Variants in ELMO1 observed in about 807,000 individuals in gnomAD.
The protein encoded by ELMO1 is engulfment and cell motility 1, also known as engulfment and cell motility protein 1.
A neutral mutation model predicts 98.9 loss-of-function variants in ELMO1; 26 were observed. The observed-to-expected ratio is 0.26, with a 90% CI of 0.19 to 0.36. The LOEUF is 0.36. ELMO1 is among the 10% of genes least tolerant of loss of function. ELMO1 has a pLI of 1.00. For missense variants in ELMO1, 627 were observed against 935.2 expected, an observed-to-expected ratio of 0.67 and a Z score of 4.30; for synonymous variants, 346 against 346.0, an observed-to-expected ratio of 1.00 and a Z score of 0.00.
At chr7:36,911,559 T>C (rs769477325) in intron 16 of ELMO1, among the ~76,000 whole-genome samples, 1 of 152,182 alleles carries the variant, frequency 6.6e-6, no homozygotes, top group African/African-American at 2.4e-5. Flanking sequence ...AGGAAGAAGA[T>C]AAGCTCTTTA....
intron 1 of ELMO1, among the ~76,000 whole-genome samples, chr7:37,344,630 T>C (rs1800905919): frequency 6.6e-6 from 1 of 152,250 alleles, no homozygotes; most frequent in African/African-American, 2.4e-5. Context: ...GCAGTTAATA[T>C]TGATAGCCAT....
chr7:37,034,699 A>G (rs1313436078), intron 15 of ELMO1, among the ~76,000 whole-genome samples: 1 of 151,968 alleles, frequency 6.6e-6, no homozygotes, highest in East Asian at 1.9e-4. Context: ...TGAATTAGGG[A>G]TGTTGTTTGG....
chr7:37,102,172 C>T (rs1309182629), intron 14 of ELMO1, among the ~76,000 whole-genome samples: 1 of 152,124 alleles, frequency 6.6e-6, no homozygotes, highest in African/African-American at 2.4e-5. Context: ...AAAGAATAAG[C>T]CCAGTTTTGA....
At chr7:37,179,167 G>GA in intron 13 of ELMO1, among the ~76,000 whole-genome samples, 1 of 151,704 alleles carries the variant, frequency 6.6e-6, no homozygotes, top group African/African-American at 2.4e-5. Flanking sequence ...GATAGCTTAA[G>GA]AAAAAAAGGC....
rs1233663800 is a variant in ELMO1 at position 37,319,868 on chromosome 7, AT to A, written c.79-3909del. Among the ~76,000 whole-genome samples the A allele has an allele frequency of 4.6e-5, 7 of 151,606 alleles. No homozygotes were observed. In the East Asian group the frequency reaches 7.8e-4, roughly 17 times the overall value. On this transcript the variant is annotated intron_variant, in intron 2 of 21. Coordinates refer to ENST00000310758, the MANE Select transcript of ELMO1 (RefSeq NM_014800.11). ...CTGCAGATAAGTCTCCACATCTCCA[AT>A]TTTTTTTTCTCCAATCCCCATGTCA...
chr7:36,973,421 T>A (rs1170003172), intron 16 of ELMO1, among the ~76,000 whole-genome samples: 1 of 152,222 alleles, frequency 6.6e-6, no homozygotes, highest in Non-Finnish European at 1.5e-5. Flanking sequence ...ACCATCTAAG[T>A]TGCAGAGCAA....
chr7:37,287,448 G>A (rs1797450920), intron 4 of ELMO1, among the ~76,000 whole-genome samples: 1 of 152,126 alleles, frequency 6.6e-6, no homozygotes. Flanking sequence ...TAAATAACAA[G>A]ATCTGTTGTA....
At chr7:37,077,220 C>A (rs1012793693) in intron 15 of ELMO1, among the ~76,000 whole-genome samples, 4 of 152,174 alleles carry the variant, frequency 2.6e-5, no homozygotes, top group African/African-American at 9.7e-5. Context: ...ATATGCAATT[C>A]AATACAGTGT....
Position 36,879,383 on chromosome 7 carries a change from C to A in ELMO1, c.1715-1266G>T, listed in dbSNP as rs902245589. ...CTTTGCACCACTGTGCGGTTGGTAC[C>A]CTTTGAGGCCTTGGCCAAGTTACCT... On this transcript the variant is annotated intron_variant, in intron 18 of 21. Coordinates refer to ENST00000310758, the MANE Select transcript of ELMO1 (RefSeq NM_014800.11). Among the ~76,000 whole-genome samples the A allele has an allele frequency of 5.3e-5, 8 of 152,326 alleles. No individual in the cohort carries two copies. In the East Asian group the frequency reaches 7.7e-4, roughly 15 times the overall value.
intron 13 of ELMO1, among the ~76,000 whole-genome samples, chr7:37,188,670 C>T (rs374218376): frequency 7.3e-5 from 11 of 151,580 alleles, no homozygotes; most frequent in African/African-American, 2.7e-4. Context: ...ACGGCCTAGG[C>T]GTTAGAAACA....
intron 4 of ELMO1, among the ~76,000 whole-genome samples, chr7:37,291,929 T>TCCCCCC (rs1184175486): frequency 1.6e-5 from 1 of 64,204 alleles, no homozygotes; most frequent in Admixed American, 1.5e-4. Flanking sequence ...TCCCTCCCCC[T>TCCCCCC]CCCCCTCCCT....
intron 16 of ELMO1, among the ~76,000 whole-genome samples, chr7:37,004,106 T>G (rs1296735540): frequency 2.0e-5 from 3 of 152,212 alleles, no homozygotes; most frequent in African/African-American, 4.8e-5. Context: ...TCATGAGAGA[T>G]TCCCACCTAA....
At chr7:37,121,925 A>G (rs948071570) in intron 14 of ELMO1, among the ~76,000 whole-genome samples, 5 of 152,232 alleles carry the variant, frequency 3.3e-5, no homozygotes, top group African/African-American at 1.2e-4. Flanking sequence ...CATCAGACTA[A>G]CAGCTGATCT....
At chr7:37,149,587 T>C (rs1221285054) in intron 13 of ELMO1, among the ~76,000 whole-genome samples, 1 of 152,222 alleles carries the variant, frequency 6.6e-6, no homozygotes, top group African/African-American at 2.4e-5. Flanking sequence ...ACTTATTGAT[T>C]TGCATACTGT....
intron 16 of ELMO1, among the ~76,000 whole-genome samples, chr7:36,919,738 G>A (rs768295178): frequency 1.3e-5 from 2 of 152,058 alleles, no homozygotes; most frequent in African/African-American, 4.8e-5. Context: ...CTCTGTGATC[G>A]ATGCTGGGCT....
chr7:37,155,503 A>AAAAAAATAAAT, intron 13 of ELMO1, among the ~76,000 whole-genome samples: 1 of 131,738 alleles, frequency 7.6e-6, no homozygotes, highest in Non-Finnish European at 1.6e-5. Context: ...AAAAAAAAAA[A>AAAAAAATAAAT]AAAAAGCAGG....
intron 20 of ELMO1, among the ~76,000 whole-genome samples, chr7:36,868,142 TCTC>T (rs1276246570): frequency 2.6e-5 from 4 of 152,212 alleles, no homozygotes; most frequent in Non-Finnish European, 5.9e-5. Flanking sequence ...TTTGTTTATT[TCTC>T]CTTTCTGTTC....
chr7:37,418,747 A>T (rs2131524549), intron 1 of ELMO1, among the ~76,000 whole-genome samples: 1 of 152,288 alleles, frequency 6.6e-6, no homozygotes, highest in South Asian at 2.1e-4. Flanking sequence ...GCGGGCAGGC[A>T]GAATCACAGA....
chr7:37,031,485 A>G (rs1338412075), intron 15 of ELMO1, among the ~76,000 whole-genome samples: 2 of 152,084 alleles, frequency 1.3e-5, no homozygotes, highest in Non-Finnish European at 2.9e-5. Context: ...CCTCATCTCA[A>G]TTCGCTCCTC....
Sources: allele counts gnomAD v4.1 joint callset (sites outside exome capture counted in the v4.1 genomes callset), GRCh38; gene constraint gnomAD v4.1.1; transcripts MANE v1.5; gene names NCBI Gene and HGNC (gene_info 2026-07-23, HGNC 2026-07-21).